DMBT1: variants seen among roughly 807,000 people sequenced by gnomAD.
DMBT1 encodes deleted in malignant brain tumors 1, also known as scavenger receptor cysteine-rich domain-containing protein DMBT1.
In DMBT1, 198 loss-of-function variants were observed where a neutral mutation model predicts 252.9. The observed-to-expected ratio is 0.78, with a 90% confidence interval of 0.70 to 0.88. The LOEUF (loss-of-function observed/expected upper bound fraction) is 0.88. Ranked by LOEUF, DMBT1 falls within the 40% of genes least tolerant of loss-of-function variation. DMBT1 has a pLI of 0.00. For missense variants in DMBT1, 2,432 were observed against 2,404.7 expected (o/e 1.01, Z -0.24); for synonymous variants, 990 against 942.7 (o/e 1.05, Z -0.92).
chr10:122,592,852 C>G (rs572213300), intron 20 of DMBT1, among the ~76,000 whole-genome samples: 1 of 148,400 alleles, frequency 6.7e-6, no homozygotes, highest in Admixed American at 6.7e-5. Context: ...AGAAAGAGGC[C>G]GAAGAGAAAA....
rs867832149 is a variant in DMBT1 at position 122,588,380 on chromosome 10, C to G, written c.1784-564C>G. On this transcript the variant is annotated intron_variant, in intron 16 of 55. Coordinates refer to ENST00000338354, the MANE Select transcript of DMBT1 (RefSeq NM_001377530.1). ...ACCTGTCTCCCTTGGGATCCTCTTCCAAGTATCAGGAAATAATAAAGAAAA... is the reference window on the plus strand; with the variant it reads ...ACCTGTCTCCCTTGGGATCCTCTTCGAAGTATCAGGAAATAATAAAGAAAA... Among the ~76,000 whole-genome samples, 45 of 146,598 alleles carry G rather than the reference C, an allele frequency of 3.1e-4. 4 individuals are homozygous for G. Among genetic ancestry groups the G allele is most frequent in the Middle Eastern group, 6.8e-3 (2 of 292 alleles).
At chr10:122,585,343 C>G in intron 15 of DMBT1, 34 bp downstream of exon 15, 1 of 1,574,782 alleles carries the variant, frequency 6.4e-7, no homozygotes, top group Non-Finnish European at 8.7e-7. Context: ...CTAGGGCTCA[C>G]TCTCTACCTC....
rs183832648 is a variant in DMBT1, at chr10:122,625,509, G to T, written c.5635+206G>T. The stretch of plus-strand genomic sequence containing the variant: ...CCGTGGAGGGCCCCTGTGGCCTCCT[G>T]CTATTGCCTGCTGATAGTGCTAAGT... On this transcript the variant is annotated intron_variant, in intron 45 of 55. Coordinates refer to ENST00000338354, the MANE Select transcript of DMBT1 (RefSeq NM_001377530.1). Among the ~76,000 whole-genome samples the T allele has an allele frequency of 1.5e-3, 234 of 152,310 alleles. 1 individual carries two copies. Among genetic ancestry groups the T allele is most frequent in the African/African-American group, 5.2e-3 (216 of 41,570 alleles).
chr10:122,598,449 G>A lies in DMBT1; in HGVS notation c.2957-325G>A, dbSNP rs571879379. Among the ~76,000 whole-genome samples the A allele has an allele frequency of 2.6e-5, 4 of 152,348 alleles. No homozygotes were observed. The South Asian group carries it at 6.2e-4, about 24-fold the overall frequency. ...CATAGGATTGCCACCAAGCTCCTGA[G>A]ATGGGGAGAGTCTGGCCTGCCTACT... On this transcript the variant is annotated intron_variant, in intron 25 of 55. Coordinates refer to ENST00000338354, the MANE Select transcript of DMBT1 (RefSeq NM_001377530.1).
At position 122,629,977 on chromosome 10, in the gene DMBT1, G is replaced by A. The variant is rs2098147357; in HGVS notation, c.5806G>A (p.Gly1936Ser). ...GAATTCTGGTTATCGCATAAACCTG[G>A]GCTTCAGTAATCTGAAGTAAGTAAT... Reference protein sequence around the residue: ...EVNSGYRINLGFSNLKLEAHH... With the variant: ...EVNSGYRINLSFSNLKLEAHH... Residue 1936 changes from glycine (G) to serine (S), a missense_variant, in exon 47 of 56, where the codon GGC becomes AGC. This residue lies in a region of DMBT1 where 1,162 missense variants were observed against 1,169.0 expected (regional missense o/e 0.99). Coordinates refer to ENST00000338354, the MANE Select transcript of DMBT1 (RefSeq NM_001377530.1). The A allele has an allele frequency of 1.2e-6, 2 of 1,613,964 alleles. No homozygotes were observed. Among genetic ancestry groups the A allele is most frequent in the East Asian group, 4.5e-5 (2 of 44,886 alleles).
intron 55 of DMBT1, among the ~76,000 whole-genome samples, chr10:122,641,860 C>G (rs1053465889): frequency 6.6e-6 from 1 of 152,158 alleles, no homozygotes; most frequent in Admixed American, 6.5e-5. Flanking sequence ...GATCATCCAC[C>G]TGGAAGTCCA....
At position 122,633,187 on chromosome 10, in the gene DMBT1, ACAG is replaced by A; in HGVS notation, c.6398_6400del. On this transcript the variant is annotated splice_acceptor_variant and splice_polypyrimidine_tract_variant and intron_variant, in intron 51 of 55. Coordinates refer to ENST00000338354, the MANE Select transcript of DMBT1 (RefSeq NM_001377530.1). LOFTEE classifies it high-confidence loss of function. ...ACCGACATTCCCACTTTTTGTCCTG[ACAG>A]CAGATTATTCCTGCGGAGGCTTCCT... is the stretch of plus-strand genomic sequence containing the variant. 1.2e-6 allele frequency: 2 copies of A among 1,613,662 alleles called. No homozygotes were observed. Among genetic ancestry groups the A allele is most frequent in the Non-Finnish European group, 1.7e-6 (2 of 1,179,710 alleles).
chr10:122,600,198 G>A, intron 27 of DMBT1, 105 bp downstream of exon 27: 2 of 1,453,330 alleles, frequency 1.4e-6, no homozygotes, highest in African/African-American at 1.5e-5. Context: ...ATACTGTGGG[G>A]CATATTATTT....
intron 1 of DMBT1, among the ~76,000 whole-genome samples, chr10:122,561,676 C>G (rs57507598): frequency 0.03 from 4,512 of 151,452 alleles, 248 homozygotes; most frequent in South Asian, 0.2. Flanking sequence ...TTCTCTCTCT[C>G]TCTGTATCTT....
At chr10:122,633,011 G>T in intron 51 of DMBT1, 121 bp downstream of exon 51, 1 of 1,539,870 alleles carries the variant, frequency 6.5e-7, no homozygotes, top group Non-Finnish European at 8.8e-7. Flanking sequence ...CTCCCTGCAA[G>T]AGTGCCCTGC....
intron 46 of DMBT1, among the ~76,000 whole-genome samples, chr10:122,627,992 G>A (rs2098130499): frequency 6.6e-6 from 1 of 152,200 alleles, no homozygotes; most frequent in African/African-American, 2.4e-5. Flanking sequence ...CCAGTAGGTG[G>A]GCTGTAGTCA....
At chr10:122,623,138 T>C (rs1311887046) in intron 44 of DMBT1, among the ~76,000 whole-genome samples, 1 of 147,918 alleles carries the variant, frequency 6.8e-6, no homozygotes, top group African/African-American at 2.4e-5. Flanking sequence ...AGAATTGTGG[T>C]CACTTTCTAT....
chr10:122,620,806 G>A (rs539682295), intron 43 of DMBT1, among the ~76,000 whole-genome samples: 95 of 152,314 alleles, frequency 6.2e-4, no homozygotes, highest in African/African-American at 1.8e-3. Flanking sequence ...GGAGTGAGGC[G>A]TCCATTCCTG....
chr10:122,579,053 T>G (rs2133551416), intron 9 of DMBT1, among the ~76,000 whole-genome samples: 1 of 152,186 alleles, frequency 6.6e-6, no homozygotes, highest in Admixed American at 6.5e-5. Flanking sequence ...CTGGAGTCTC[T>G]GAAAACCCAG....
At chr10:122,626,904 G>A (rs552330162) in intron 46 of DMBT1, among the ~76,000 whole-genome samples, 83 of 152,270 alleles carry the variant, frequency 5.5e-4, no homozygotes, top group African/African-American at 1.0e-3. Context: ...TTGCTGAAGT[G>A]TCTTCTAACC....
rs2097713402 is a variant in DMBT1, at chr10:122,576,467, C to T, written c.352C>T (p.Leu118=). 1 of 1,613,966 alleles carries T rather than the reference C, an allele frequency of 6.2e-7. No homozygotes were observed. The highest frequency in any genetic ancestry group is 1.3e-5 in the African/African-American group (1 of 75,062). The change falls in exon 7 of 56, where the codon CTA becomes TTA. Residue 118 remains leucine, a synonymous_variant. Coordinates refer to ENST00000338354, the MANE Select transcript of DMBT1 (RefSeq NM_001377530.1). ...DGRCQGRVEI[L]YRGSWGTVCD... ...CAGGTGTCAGGGCCGAGTGGAGATCCTATACCGAGGCTCCTGGGGCACCGT... is the reference window on the plus strand; with the variant it reads ...CAGGTGTCAGGGCCGAGTGGAGATCTTATACCGAGGCTCCTGGGGCACCGT...
chr10:122,598,887 A>C lies in DMBT1; in HGVS notation c.3070A>C (p.Thr1024Pro). The C allele has an allele frequency of 6.2e-7, 1 of 1,613,848 alleles. No individual in the cohort carries two copies. Among genetic ancestry groups the C allele is most frequent in the Non-Finnish European group, 8.5e-7 (1 of 1,179,784 alleles). The part of the protein sequence containing the change: ...WGTVCDDSWD[T>P]NDANVVCRQL... Reference sequence around the variant, plus strand: ...CACCGTGTGCGATGACAGCTGGGACACCAATGATGCCAATGTCGTCTGCAG... The same window carrying C: ...CACCGTGTGCGATGACAGCTGGGACCCCAATGATGCCAATGTCGTCTGCAG... Residue 1024 changes from threonine (T) to proline (P), a missense_variant, in exon 26 of 56, where the codon ACC becomes CCC. By Grantham distance (38) the Thr-to-Pro change is conservative. Transcript: ENST00000338354.
Position 122,590,398 on chromosome 10 carries a change from G to A in DMBT1, c.2108-267G>A, listed in dbSNP as rs1347646885. On this transcript the variant is annotated intron_variant, in intron 17 of 55. Transcript: ENST00000338354. ...TTGCTGACTCAGGGACTGCTAAGACGTGTAAGGGAGAGGGTTGGTTTTGTG... is the reference window on the plus strand; with the variant it reads ...TTGCTGACTCAGGGACTGCTAAGACATGTAAGGGAGAGGGTTGGTTTTGTG... Among the ~76,000 whole-genome samples the A allele has an allele frequency of 5.4e-5, 8 of 148,798 alleles. 2 individuals carry two copies. The highest frequency in any genetic ancestry group is 2.7e-4 in the Admixed American group (4 of 15,032).
At chr10:122,589,537 T>C (rs2097827861) in intron 17 of DMBT1, among the ~76,000 whole-genome samples, 1 of 148,078 alleles carries the variant, frequency 6.8e-6, no homozygotes, top group Admixed American at 6.7e-5. Context: ...AGGAAAGGGC[T>C]GGGTCTTTGC....
Sources: gnomAD v4.1 joint callset for allele counts (sites outside exome capture counted in the v4.1 genomes callset) on GRCh38, gnomAD v4.1.1 for gene constraint, gnomAD v4.1.1 regional missense constraint, MANE v1.5 for transcripts, NCBI Gene and HGNC (gene_info 2026-07-23, HGNC 2026-07-21) for gene names.